DMD: variants seen among roughly 807,000 people sequenced by gnomAD.
DMD encodes mutant dystrophin.
In DMD, 63 loss-of-function variants were observed where a neutral mutation model predicts 330.1. The observed-to-expected ratio is 0.19, with a 90% CI of 0.16 to 0.24. DMD has a LOEUF of 0.24. Among genes scored for constraint, DMD ranks in the 10% least tolerant of loss-of-function variants. The pLI is 1.00. For missense variants in DMD, 3,344 were observed against 2,684.1 expected, an observed-to-expected ratio of 1.25 and a Z score of -5.43; for synonymous variants, 1,223 against 959.8, an observed-to-expected ratio of 1.27 and a Z score of -5.07.
At chrX:33,016,550 A>G (rs5972734) in intron 2 of DMD, among the ~76,000 whole-genome samples, 41,496 of 110,425 alleles carry the variant, frequency 0.38, 6,415 homozygotes, top group Non-Finnish European at 0.49. Flanking sequence ...CAGGAACACT[A>G]TCATATCATG....
chrX:32,595,199 T>C (rs779993758), intron 13 of DMD, among the ~76,000 whole-genome samples: 1 of 111,471 alleles, frequency 9.0e-6, no homozygotes, highest in East Asian at 2.8e-4. Context: ...AGTAGATGTC[T>C]TTGGGCCAAA....
chrX:31,324,491 CTTTCTT>C (rs2056640079), intron 61 of DMD, among the ~76,000 whole-genome samples: 1 of 96,959 alleles, frequency 1.0e-5, no homozygotes, highest in Non-Finnish European at 2.1e-5. Flanking sequence ...GGTTTTTTTT[CTTTCTT>C]TAAGACAAAA....
intron 44 of DMD, among the ~76,000 whole-genome samples, chrX:32,077,617 C>T (rs867591906): frequency 1.8e-5 from 2 of 111,265 alleles, no homozygotes; most frequent in African/African-American, 6.5e-5. Flanking sequence ...ACTGTCTCAG[C>T]TTGCTGTGCC....
intron 48 of DMD, among the ~76,000 whole-genome samples, chrX:31,866,727 C>T (rs1289790847): frequency 8.9e-6 from 1 of 111,792 alleles, no homozygotes; most frequent in African/African-American, 3.3e-5. Flanking sequence ...AGGGAAACAA[C>T]TTTGTATGCA....
intron 55 of DMD, among the ~76,000 whole-genome samples, chrX:31,554,440 T>C (rs1045835579): frequency 9.0e-6 from 1 of 111,330 alleles, no homozygotes; most frequent in Admixed American, 9.6e-5. Context: ...GGCTATGATC[T>C]GTACTAGCTG....
Position 31,327,365 on chromosome X carries a change from G to A in DMD, c.9164-3707C>T, listed in dbSNP as rs552612676. Among the ~76,000 whole-genome samples, 48 of 111,973 alleles carry A rather than the reference G, an allele frequency of 4.3e-4. 1 individual carries two copies. The South Asian group carries it at 7.9e-3, about 18-fold the overall frequency. ...TCAATATTGTGCCCAAGGTAGTTTTGAAAATCACAAGCACAGGCCACATTA... is the reference window on the plus strand; with the variant it reads ...TCAATATTGTGCCCAAGGTAGTTTTAAAAATCACAAGCACAGGCCACATTA... On this transcript the variant is annotated intron_variant, in intron 61 of 78. Transcript: ENST00000357033.
Position 31,470,932 on chromosome X carries a change from C to G in DMD, c.8937+7174G>C, listed in dbSNP as rs778252011. On this transcript the variant is annotated intron_variant, in intron 59 of 78. Coordinates refer to ENST00000357033, the MANE Select transcript of DMD (RefSeq NM_004006.3). ...GCTCCGCCCAGTTAGAACTTCTTGA[C>G]GGCTTTGTTTACACTGTGAGGGGAA... Among the ~76,000 whole-genome samples the G allele has an allele frequency of 3.6e-5, 4 of 112,123 alleles. No homozygotes were observed. The Admixed American group carries it at 3.8e-4, about 11-fold the overall frequency.
intron 68 of DMD, among the ~76,000 whole-genome samples, chrX:31,181,635 G>A (rs778124848): frequency 1.6e-4 from 18 of 111,945 alleles, no homozygotes; most frequent in Non-Finnish European, 2.8e-4. Context: ...TGTCTATCTA[G>A]GCTTCAGAAA....
intron 41 of DMD, among the ~76,000 whole-genome samples, chrX:32,330,461 T>C (rs1435095435): frequency 8.9e-6 from 1 of 111,987 alleles, no homozygotes; most frequent in African/African-American, 3.2e-5. Context: ...GATTTAATTA[T>C]TTTTAACCAG....
chrX:32,323,416 A>T (rs2097631562), intron 41 of DMD, among the ~76,000 whole-genome samples: 1 of 112,005 alleles, frequency 8.9e-6, no homozygotes, highest in Non-Finnish European at 1.9e-5. Flanking sequence ...GTTTGTGGTC[A>T]AATTTTATGA....
At chrX:32,341,269 A>G (rs2097740828) in intron 41 of DMD, among the ~76,000 whole-genome samples, 1 of 111,646 alleles carries the variant, frequency 9.0e-6, no homozygotes, top group South Asian at 3.7e-4. Context: ...TGTGAGGAGT[A>G]CTTTCTTCTA....
At chrX:31,730,891 A>T (rs2086454480) in intron 51 of DMD, among the ~76,000 whole-genome samples, 1 of 111,575 alleles carries the variant, frequency 9.0e-6, no homozygotes, top group Non-Finnish European at 1.9e-5. Flanking sequence ...AATGTATCTG[A>T]AACTTATATG....
At chrX:32,398,647 G>A (rs954929626) in intron 30 of DMD, among the ~76,000 whole-genome samples, 3 of 111,070 alleles carry the variant, frequency 2.7e-5, no homozygotes, top group African/African-American at 9.8e-5. Flanking sequence ...ACGATGTTAC[G>A]CTTAGTCATA....
At chrX:32,611,268 A>T (rs1485588230) in intron 12 of DMD, among the ~76,000 whole-genome samples, 1 of 110,697 alleles carries the variant, frequency 9.0e-6, no homozygotes, top group East Asian at 2.8e-4. Flanking sequence ...AAGAGTGCTC[A>T]AATAGTTAAA....
At chrX:31,158,340 A>G (rs913904447) in intron 74 of DMD, among the ~76,000 whole-genome samples, 30 of 112,392 alleles carry the variant, frequency 2.7e-4, no homozygotes, top group Non-Finnish European at 5.1e-4. Context: ...GAAAGAAGCC[A>G]GTCACAAAAG....
intron 1 of DMD, among the ~76,000 whole-genome samples, chrX:33,227,772 C>T (rs1161255856): frequency 9.1e-6 from 1 of 110,098 alleles, no homozygotes; most frequent in African/African-American, 3.3e-5. Flanking sequence ...TACCTCACTA[C>T]AGAATGCCTT....
intron 60 of DMD, among the ~76,000 whole-genome samples, chrX:31,377,145 A>T (rs1281822411): frequency 8.9e-6 from 1 of 112,059 alleles, no homozygotes; most frequent in Admixed American, 9.5e-5. Context: ...TCTATTCTAA[A>T]GACTTGGTAG....
At position 31,491,618 on chromosome X, in the gene DMD, A is replaced by T. The variant is rs1235913566; in HGVS notation, c.8547+5170T>A. ...TATTAATTAGTCTTGAGAGCCATTC[A>T]GTTGCAGTTGTTATGCTGCCCAGCT... On this transcript the variant is annotated intron_variant, in intron 57 of 78. Coordinates refer to ENST00000357033, the MANE Select transcript of DMD (RefSeq NM_004006.3). Among the ~76,000 whole-genome samples, 10 of 111,977 alleles carry T rather than the reference A, an allele frequency of 8.9e-5. No individual in the cohort carries two copies. In the Admixed American group the frequency reaches 9.5e-4, roughly 11 times the overall value.
At chrX:32,103,689 G>A (rs951240068) in intron 44 of DMD, among the ~76,000 whole-genome samples, 3 of 112,126 alleles carry the variant, frequency 2.7e-5, no homozygotes, top group African/African-American at 9.7e-5. Context: ...GACTCTTCCT[G>A]ACTCAGATTG....
Sources: gnomAD v4.1 joint callset for allele counts (sites outside exome capture counted in the v4.1 genomes callset) on GRCh38, gnomAD v4.1.1 for gene constraint, MANE v1.5 for transcripts, NCBI Gene and HGNC (gene_info 2026-07-23, HGNC 2026-07-21) for gene names.